The following SLIT2 variants were observed in gnomAD, a reference collection of about 807,000 sequenced individuals.
SLIT2 encodes slit homolog 2 protein.
A neutral mutation model predicts 185.7 loss-of-function variants in SLIT2; 41 were observed. The observed-to-expected ratio is 0.22, with a 90% CI of 0.17 to 0.29. SLIT2 has a LOEUF of 0.29. Among genes scored for constraint, SLIT2 ranks in the 10% least tolerant of loss-of-function variants. SLIT2 has a pLI of 1.00. For synonymous variants in SLIT2, 693 were observed against 680.2 expected (o/e 1.02, Z -0.29); for missense variants, 1,571 against 1,909.0 (o/e 0.82, Z 3.30).
Position 20,252,845 on chromosome 4 carries a change from C to G in SLIT2, c.-971C>G, listed in dbSNP as rs1340464247. 6.6e-6 allele frequency among the ~76,000 whole-genome samples: 1 copy of G among 152,210 alleles called. No homozygotes were observed. The highest frequency in any genetic ancestry group is 6.5e-5 in the Admixed American group (1 of 15,282). On this transcript the variant is annotated 5_prime_UTR_variant, in exon 1 of 37. Transcript: ENST00000504154. The stretch of plus-strand genomic sequence containing the variant: ...CTTGGCCTTTGCCTTTCCACTCCTT[C>G]CGGTCTGCCTGGTTTTTAAGTCCGC...
chr4:20,309,472 A>T (rs558042618), intron 4 of SLIT2, among the ~76,000 whole-genome samples: 6 of 151,680 alleles, frequency 4.0e-5, no homozygotes, highest in African/African-American at 1.5e-4. Context: ...TTAACTTACA[A>T]CTTTTTATTA....
chr4:20,574,714 G>C (rs568917323), intron 29 of SLIT2, among the ~76,000 whole-genome samples: 7 of 151,314 alleles, frequency 4.6e-5, no homozygotes, highest in African/African-American at 1.7e-4. Flanking sequence ...TTGAACCTAG[G>C]AGGCAGAGGT....
In SLIT2 at chr4:20,393,602, C is replaced by CACTG. The variant is rs1302448079; in HGVS notation, c.396-74150_396-74149insACTG. The CACTG allele has an allele frequency of 2.0e-5, 3 of 152,068 alleles. No individual in the cohort carries two copies. The South Asian group carries it at 6.2e-4, about 32-fold the overall frequency. 9.4% of individuals were successfully genotyped at this position (152,068 alleles called of 1,614,324 possible). A position where few individuals can be genotyped will look rare whatever the true frequency, so the allele number is the denominator to read the frequency against. On this transcript the variant is annotated intron_variant, in intron 4 of 36. Transcript: ENST00000504154. The stretch of plus-strand genomic sequence containing the variant: ...GGCTTGTTCTGAGGTTCACCCGACT[C>CACTG]CACTGCATGTATTACGTGCATGTGT...
chr4:20,575,002 A>C lies in SLIT2; in HGVS notation c.3088+5998A>C, dbSNP rs190511758. Among the ~76,000 whole-genome samples, 3 of 152,258 alleles carry C rather than the reference A, an allele frequency of 2.0e-5. No homozygotes were observed. In the East Asian group the frequency reaches 5.8e-4, roughly 29 times the overall value. ...CTATTCTCTGTGGATTAATGCATCTAATACCTTCCTGGGTCAAATGGCTTC... is the reference window on the plus strand; with the variant it reads ...CTATTCTCTGTGGATTAATGCATCTCATACCTTCCTGGGTCAAATGGCTTC... On this transcript the variant is annotated intron_variant, in intron 29 of 36. Transcript: ENST00000504154.
chr4:20,264,349 C>G (rs1277011015), intron 3 of SLIT2, among the ~76,000 whole-genome samples: 1 of 151,708 alleles, frequency 6.6e-6, no homozygotes, highest in Non-Finnish European at 1.5e-5. Flanking sequence ...AAATGGTAGG[C>G]TTTGAGGCAG....
chr4:20,617,562 G>T lies in SLIT2; in HGVS notation c.4260G>T (p.Lys1420Asn), dbSNP rs111791287. Reference sequence around the variant, plus strand: ...TGTTTAACCCATGCCAGGCGATCAAGTGCAAGCATGGGAAGTGCAGGCTTT... The same window carrying T: ...TGTTTAACCCATGCCAGGCGATCAATTGCAAGCATGGGAAGTGCAGGCTTT... ...EDLFNPCQAI[K>N]CKHGKCRLSG... The change falls in exon 36 of 37, where the codon AAG becomes AAT. Residue 1420 changes from lysine (K) to asparagine (N), a missense_variant. Physicochemically the swap from Lys to Asn is moderately conservative, Grantham distance 94. This residue lies in a region of SLIT2 where 223 missense variants were observed against 245.2 expected (regional missense o/e 0.91). Coordinates refer to ENST00000504154, the MANE Select transcript of SLIT2 (RefSeq NM_004787.4). The T allele has an allele frequency of 6.2e-7, 1 of 1,613,906 alleles. No homozygotes were observed. The highest frequency in any genetic ancestry group is 1.1e-5 in the South Asian group (1 of 91,024).
intron 30 of SLIT2, among the ~76,000 whole-genome samples, chr4:20,593,567 A>G (rs1727684313): frequency 6.6e-6 from 1 of 152,140 alleles, no homozygotes; most frequent in Non-Finnish European, 1.5e-5. Flanking sequence ...CAGCATGGTC[A>G]CTATAGTTCA....
At chr4:20,420,802 C>T (rs980898313) in intron 4 of SLIT2, among the ~76,000 whole-genome samples, 5 of 152,026 alleles carry the variant, frequency 3.3e-5, no homozygotes, top group African/African-American at 1.2e-4. Context: ...GGGCCAGGGG[C>T]TCTCATGATG....
At chr4:20,511,587 A>ATTTTTTT (rs759622666) in intron 11 of SLIT2, among the ~76,000 whole-genome samples, 48 of 82,186 alleles carry the variant, frequency 5.8e-4, no homozygotes, top group South Asian at 9.0e-4. Context: ...CATCCAGCTA[A>ATTTTTTT]TTTTTTTTTT....
chr4:20,533,639 G>C lies in SLIT2; in HGVS notation c.1756G>C (p.Glu586Gln). Residue 586 changes from glutamate (E) to glutamine (Q), a missense_variant, in exon 18 of 37, where the codon GAA becomes CAA. This residue lies in a region of SLIT2 where 1,202 missense variants were observed against 1,416.4 expected (regional missense o/e 0.85). Coordinates refer to ENST00000504154, the MANE Select transcript of SLIT2 (RefSeq NM_004787.4). ...ATTTGAAGGAGCATCTGGTGTAAAT[G>C]AAATACTTCTTACGAGTAATCGTTT... is the stretch of plus-strand genomic sequence containing the variant. Reference protein sequence around the residue: ...GAFEGASGVNEILLTSNRLEN... With the variant: ...GAFEGASGVNQILLTSNRLEN... 6.2e-7 allele frequency: 1 copy of C among 1,612,258 alleles called. No homozygotes were observed. Among genetic ancestry groups the C allele is most frequent in the Non-Finnish European group, 8.5e-7 (1 of 1,178,272 alleles).
chr4:20,449,461 T>C (rs565482192), intron 4 of SLIT2, among the ~76,000 whole-genome samples: 21 of 152,146 alleles, frequency 1.4e-4, no homozygotes, highest in African/African-American at 4.8e-4. Context: ...TAGACTGGAG[T>C]GCAGTGGTGC....
At chr4:20,437,979 ACCCCATG>A (rs996424436) in intron 4 of SLIT2, among the ~76,000 whole-genome samples, 1 of 151,504 alleles carries the variant, frequency 6.6e-6, no homozygotes, top group African/African-American at 2.4e-5. Flanking sequence ...TTTACCTCAT[ACCCCATG>A]CCCAATTCTG....
At chr4:20,612,097 G>T (rs1729266728) in intron 34 of SLIT2, among the ~76,000 whole-genome samples, 2 of 151,982 alleles carry the variant, frequency 1.3e-5, no homozygotes, top group South Asian at 2.1e-4. Context: ...AATACAGGGG[G>T]CTGGGCATGG....
chr4:20,494,726 C>T (rs1054123349), intron 9 of SLIT2, among the ~76,000 whole-genome samples: 3 of 150,312 alleles, frequency 2.0e-5, no homozygotes, highest in South Asian at 2.1e-4. Context: ...TGTAGTGAGC[C>T]GAGATAGCGC....
At chr4:20,419,824 TGTGTTTTGTAACCTTCACACG>T (rs1183665797) in intron 4 of SLIT2, among the ~76,000 whole-genome samples, 2 of 152,074 alleles carry the variant, frequency 1.3e-5, no homozygotes, top group Non-Finnish European at 2.9e-5. Flanking sequence ...TCGATGATGG[TGTGTTTTGTAACCTTCACACG>T]GTTTTCTATA....
chr4:20,290,555 G>C (rs1365948605), intron 4 of SLIT2, among the ~76,000 whole-genome samples: 3 of 152,126 alleles, frequency 2.0e-5, no homozygotes, highest in Non-Finnish European at 4.4e-5. Context: ...CCTGGAACCA[G>C]TGTCCCATGG....
At position 20,617,570 on chromosome 4, in the gene SLIT2, A is replaced by T. The variant is rs942621658; in HGVS notation, c.4268A>T (p.His1423Leu). The T allele has an allele frequency of 1.2e-6, 2 of 1,613,774 alleles. No individual in the cohort carries two copies. The highest frequency in any genetic ancestry group is 1.3e-5 in the African/African-American group (1 of 74,928). Residue 1423 changes from histidine (H) to leucine (L), a missense_variant, in exon 36 of 37, where the codon CAT becomes CTT. Around this residue, in one of 3 missense-constraint regions of SLIT2, gnomAD observed 223 missense variants for 245.2 expected, o/e 0.91. Transcript: ENST00000504154. ...CCATGCCAGGCGATCAAGTGCAAGCATGGGAAGTGCAGGCTTTCAGGTCTG... is the reference window on the plus strand; with the variant it reads ...CCATGCCAGGCGATCAAGTGCAAGCTTGGGAAGTGCAGGCTTTCAGGTCTG... ...FNPCQAIKCK[H>L]GKCRLSGLGQ...
intron 7 of SLIT2, among the ~76,000 whole-genome samples, chr4:20,488,002 G>C (rs1717411807): frequency 6.6e-6 from 1 of 152,162 alleles, no homozygotes; most frequent in Admixed American, 6.5e-5. Context: ...TATAGCTTTG[G>C]ATGTCCTTTT....
At position 20,518,587 on chromosome 4, in the gene SLIT2, A is replaced by ATTT. The variant is rs71181568; in HGVS notation, c.1059-762_1059-760dup. 2.2e-4 allele frequency among the ~76,000 whole-genome samples: 4 copies of ATTT among 17,860 alleles called. 2 individuals are homozygous for ATTT. Among genetic ancestry groups the ATTT allele is most frequent in the Admixed American group, 2.6e-3 (2 of 782 alleles). The allele number at this position is 17,860 out of a possible 152,430, so 11.7% of individuals were successfully genotyped here. ...TATATATATATATATATATATATATATTTTTTTTTTTTTTTTTTTTTTTTT... is the reference window on the plus strand; with the variant it reads ...TATATATATATATATATATATATATATTTTTTTTTTTTTTTTTTTTTTTTTTTT... On this transcript the variant is annotated intron_variant, in intron 11 of 36. Transcript: ENST00000504154.
Sources: allele counts gnomAD v4.1 joint callset (sites outside exome capture counted in the v4.1 genomes callset), GRCh38; gene constraint gnomAD v4.1.1; regional missense constraint gnomAD v4.1.1; transcripts MANE v1.5; gene names NCBI Gene and HGNC (gene_info 2026-07-23, HGNC 2026-07-21).